PAK2: variants seen among roughly 807,000 people sequenced by gnomAD.
The protein encoded by PAK2 is serine/threonine-protein kinase PAK 2.
PAK2 carries 21 observed loss-of-function variants against 65.9 expected under a neutral mutation model. That is an observed-to-expected ratio of 0.32 (90% confidence interval 0.23 to 0.46). The LOEUF (loss-of-function observed/expected upper bound fraction) is 0.46, where lower values mean the gene tolerates loss of function less well. PAK2 is among the 20% of genes least tolerant of loss of function. The probability of loss-of-function intolerance (pLI) is 1.00; values close to 1 mark genes in which losing one functional copy is unlikely to be tolerated. For synonymous variants in PAK2, 204 were observed against 219.7 expected (o/e 0.93, Z 0.63); for missense variants, 324 against 642.6 (o/e 0.50, Z 5.36).
chr3:196,777,352 C>T (rs192948033), intron 1 of PAK2, among the ~76,000 whole-genome samples: 13 of 152,134 alleles, frequency 8.5e-5, no homozygotes, highest in East Asian at 1.9e-4. Context: ...TACAGACACG[C>T]GCCACCACGC....
Position 196,783,186 on chromosome 3 carries a change from A to C in PAK2, c.187+353A>C, listed in dbSNP as rs1284747635. Among the ~76,000 whole-genome samples the C allele has an allele frequency of 2.0e-5, 3 of 152,142 alleles. No homozygotes were observed. The East Asian group carries it at 5.8e-4, about 29-fold the overall frequency. Reference sequence around the variant, plus strand: ...CCCCTGTCTGAAATCCCTGGAGCCAACTGTGTTTTGGAATTAAGAGTTTTT... The same window carrying C: ...CCCCTGTCTGAAATCCCTGGAGCCACCTGTGTTTTGGAATTAAGAGTTTTT... On this transcript the variant is annotated intron_variant, in intron 2 of 14. Transcript: ENST00000327134.
At chr3:196,801,890 A>T in intron 2 of PAK2, 37 bp from the exon 3 acceptor site, 1 of 1,037,196 alleles carries the variant, frequency 9.6e-7, no homozygotes, top group Non-Finnish European at 1.5e-6. Context: ...TTGTTTAAAT[A>T]GGCTGATTCT....
intron 1 of PAK2, among the ~76,000 whole-genome samples, chr3:196,757,624 G>A (rs761073858): frequency 3.3e-5 from 5 of 151,988 alleles, no homozygotes; most frequent in African/African-American, 9.7e-5. Flanking sequence ...ATTTCCAGGC[G>A]CTTCCTGTTG....
chr3:196,777,517 A>G (rs1714575259), intron 1 of PAK2, among the ~76,000 whole-genome samples: 1 of 152,206 alleles, frequency 6.6e-6, no homozygotes, highest in Admixed American at 6.5e-5. Context: ...AACTTGTTTT[A>G]ATTTCTCATA....
chr3:196,760,277 G>A (rs924285575), intron 1 of PAK2, among the ~76,000 whole-genome samples: 1 of 152,006 alleles, frequency 6.6e-6, no homozygotes, highest in Admixed American at 6.6e-5. Context: ...TTGAGACAGC[G>A]TCTTGCACTG....
At chr3:196,782,440 G>A (rs1471529690) in intron 1 of PAK2, among the ~76,000 whole-genome samples, 186 bp from the exon 2 acceptor site, 1 of 152,092 alleles carries the variant, frequency 6.6e-6, no homozygotes, top group Non-Finnish European at 1.5e-5. Context: ...ACCATTACCA[G>A]CTTTGTTGGG....
intron 1 of PAK2, among the ~76,000 whole-genome samples, chr3:196,766,840 AAT>A (rs1338502537): frequency 6.8e-6 from 1 of 147,434 alleles, no homozygotes; most frequent in Admixed American, 6.9e-5. Context: ...CATCATGTTG[AAT>A]ATATGCAATT....
chr3:196,761,912 C>T (rs1337979728), intron 1 of PAK2, among the ~76,000 whole-genome samples: 14 of 144,128 alleles, frequency 9.7e-5, no homozygotes, highest in African/African-American at 2.3e-4. Context: ...GGGTGGCTGC[C>T]GGGCGGAGAG....
intron 13 of PAK2, among the ~76,000 whole-genome samples, chr3:196,821,669 C>T (rs116525895): frequency 0.032 from 4,860 of 152,106 alleles, 226 homozygotes; most frequent in African/African-American, 0.098. Context: ...GTCGACAAAG[C>T]GAAACTCCGT....
At chr3:196,814,141 G>C (rs906302430) in intron 10 of PAK2, among the ~76,000 whole-genome samples, 1 of 152,060 alleles carries the variant, frequency 6.6e-6, no homozygotes, top group African/African-American at 2.4e-5. Context: ...ACCTCTCCAA[G>C]CCTTTGTCTG....
chr3:196,821,851 AG>A (rs1202972121), intron 13 of PAK2, among the ~76,000 whole-genome samples: 2 of 152,358 alleles, frequency 1.3e-5, no homozygotes, highest in Admixed American at 1.3e-4. Context: ...TACAGAGCCA[AG>A]AGAATTAAAA....
intron 1 of PAK2, among the ~76,000 whole-genome samples, chr3:196,775,474 C>G (rs925564929): frequency 6.6e-6 from 1 of 152,200 alleles, no homozygotes; most frequent in African/African-American, 2.4e-5. Flanking sequence ...GCTCCGCCTC[C>G]CGGGTTCAAG....
chr3:196,808,991 C>T (rs188960111), intron 7 of PAK2, among the ~76,000 whole-genome samples: 8 of 151,716 alleles, frequency 5.3e-5, no homozygotes, highest in African/African-American at 1.4e-4. Context: ...AATCTCGGTA[C>T]GTTGGCTGGC....
intron 2 of PAK2, among the ~76,000 whole-genome samples, chr3:196,787,157 T>C (rs1020374734): frequency 2.0e-5 from 3 of 152,042 alleles, no homozygotes; most frequent in Admixed American, 6.6e-5. Flanking sequence ...ATGGAACAAA[T>C]CTCTTAACCA....
Position 196,804,790 on chromosome 3 carries a change from ATG to A in PAK2, c.437-547_437-546del, listed in dbSNP as rs368201549. ...GGCCTGTGCGTATGTAATATGTGAT[ATG>A]TGTGTGTGTGTGTGATATATATATA... On this transcript the variant is annotated intron_variant, in intron 4 of 14. Transcript: ENST00000327134. Among the ~76,000 whole-genome samples the A allele has an allele frequency of 2.0e-3, 262 of 133,180 alleles. 3 individuals are homozygous for A. In the East Asian group the frequency reaches 0.048, roughly 24 times the overall value. The allele number at this position is 133,180 out of a possible 152,430, so 87.4% of individuals were successfully genotyped here.
At chr3:196,812,118 C>G (rs1715847908) in intron 8 of PAK2, 101 bp from the exon 9 acceptor site, 1 of 754,028 alleles carries the variant, frequency 1.3e-6, no homozygotes, top group African/African-American at 1.7e-5. Context: ...TCATCCTGTT[C>G]TTTAATTCTT....
intron 1 of PAK2, among the ~76,000 whole-genome samples, chr3:196,776,618 C>T (rs1273116003): frequency 6.6e-6 from 1 of 152,162 alleles, no homozygotes; most frequent in East Asian, 1.9e-4. Flanking sequence ...ACTCTGATGA[C>T]ATAGATGGTG....
intron 1 of PAK2, among the ~76,000 whole-genome samples, chr3:196,777,247 A>T (rs1386033887): frequency 1.3e-5 from 2 of 152,194 alleles, no homozygotes; most frequent in East Asian, 1.9e-4. Flanking sequence ...TCTGTCACCC[A>T]GGCTGGAGTG....
At chr3:196,751,594 C>T (rs992172226) in intron 1 of PAK2, among the ~76,000 whole-genome samples, 17 of 146,810 alleles carry the variant, frequency 1.2e-4, no homozygotes, top group African/African-American at 4.4e-4. Flanking sequence ...TTGCAGTGAG[C>T]CCAGATCACA....
Sources: gnomAD v4.1 joint callset for allele counts (sites outside exome capture counted in the v4.1 genomes callset) on GRCh38, gnomAD v4.1.1 for gene constraint, MANE v1.5 for transcripts, NCBI Gene and HGNC (gene_info 2026-07-23, HGNC 2026-07-21) for gene names.